The following CD8B2 variants were observed in gnomAD, a reference collection of about 807,000 sequenced individuals.
CD8B2 encodes T-cell surface glycoprotein CD8 beta-2 chain.
CD8B2 carries 11 observed loss-of-function variants against 23.7 expected under a neutral mutation model. That is an observed-to-expected ratio of 0.46 (90% CI 0.29 to 0.77). CD8B2 has a LOEUF of 0.77. Ranked by LOEUF, CD8B2 falls within the 30% of genes least tolerant of loss-of-function variation. The pLI is 0.09. For missense variants in CD8B2, 197 were observed against 270.5 expected (o/e 0.73, Z 1.91); for synonymous variants, 90 against 109.3 (o/e 0.82, Z 1.10).
chr2:106,488,735 G>A (rs1360336195), intron 1 of CD8B2, among the ~76,000 whole-genome samples: 1 of 152,190 alleles, frequency 6.6e-6, no homozygotes, highest in Non-Finnish European at 1.5e-5. Flanking sequence ...CTTTCCTCAT[G>A]GATAAAGTAG....
chr2:106,494,193 G>A (rs899514441), intron 2 of CD8B2, among the ~76,000 whole-genome samples: 1 of 150,360 alleles, frequency 6.7e-6, no homozygotes, highest in African/African-American at 2.4e-5. Context: ...TGTCACCCAG[G>A]CTGGAGTTTA....
downstream of CD8B2, among the ~76,000 whole-genome samples, chr2:106,511,445 T>TC (rs896738927): frequency 4.2e-5 from 5 of 120,140 alleles, no homozygotes; most frequent in East Asian, 2.9e-4. Context: ...TGTTCTCCCC[T>TC]CCCCCCGCCC....
chr2:106,538,864 G>C (rs1034910992), intron 5 of CD8B2, among the ~76,000 whole-genome samples: 1 of 151,628 alleles, frequency 6.6e-6, no homozygotes, highest in African/African-American at 2.4e-5. Flanking sequence ...TCATCAGGCC[G>C]GGCACTGCCA....
chr2:106,494,990 A>G (rs376603589), intron 2 of CD8B2, among the ~76,000 whole-genome samples: 1 of 152,138 alleles, frequency 6.6e-6, no homozygotes, highest in African/African-American at 2.4e-5. Context: ...AGCTTCCTCC[A>G]TGTGCTTAGG....
intron 5 of CD8B2, among the ~76,000 whole-genome samples, chr2:106,532,733 A>G (rs1020528007): frequency 6.6e-6 from 1 of 152,198 alleles, no homozygotes; most frequent in African/African-American, 2.4e-5. Flanking sequence ...CACTCGTGGT[A>G]GTGTAGCAGT....
At chr2:106,515,517 C>G (rs1285035812), downstream of CD8B2, among the ~76,000 whole-genome samples, 1 of 152,150 alleles carries the variant, frequency 6.6e-6, no homozygotes, top group Non-Finnish European at 1.5e-5. Context: ...TCTTTCTGCT[C>G]TAAGCCATGT....
intron 5 of CD8B2, among the ~76,000 whole-genome samples, chr2:106,538,383 C>T (rs931874819): frequency 6.6e-6 from 1 of 152,130 alleles, no homozygotes; most frequent in African/African-American, 2.4e-5. Context: ...CACAAATGGC[C>T]TGCTTTTCTC....
At position 106,490,992 on chromosome 2, in the gene CD8B2, G is replaced by A. The variant is rs905183948; in HGVS notation, c.162G>A (p.Trp54Ter). ...CCCTCAGTAACATGTGCATCTACTG[G>A]CTGAGACAGCGCCAGGCCCCGAGCA... is the stretch of plus-strand genomic sequence containing the variant. ...KISLSNMCIY[W>*]LRQRQAPSSD... Residue 54 changes from tryptophan (W) to a stop codon, truncating the protein, a stop_gained, in exon 2 of 6, where the codon TGG (tryptophan) becomes TGA (stop). Coordinates refer to ENST00000643224, the MANE Select transcript of CD8B2 (RefSeq NM_001349727.2). LOFTEE classifies it high-confidence loss of function. 6.2e-7 allele frequency: 1 copy of A among 1,613,982 alleles called. No homozygotes were observed. Among genetic ancestry groups the A allele is most frequent in the African/African-American group, 1.3e-5 (1 of 75,050 alleles).
At chr2:106,534,179 T>C (rs1161342484) in intron 5 of CD8B2, among the ~76,000 whole-genome samples, 1 of 152,138 alleles carries the variant, frequency 6.6e-6, no homozygotes, top group African/African-American at 2.4e-5. Context: ...ATGACCAGAC[T>C]CATGCTCCCC....
intron 5 of CD8B2, among the ~76,000 whole-genome samples, chr2:106,524,199 G>T (rs1323554868): frequency 2.0e-5 from 3 of 152,148 alleles, no homozygotes; most frequent in Non-Finnish European, 1.5e-5. Flanking sequence ...TCCTGGGCTG[G>T]TTATTGTAGA....
At chr2:106,526,101 G>A (rs925700273) in intron 5 of CD8B2, among the ~76,000 whole-genome samples, 3 of 152,120 alleles carry the variant, frequency 2.0e-5, no homozygotes, top group Non-Finnish European at 4.4e-5. Context: ...AATTAGCCAC[G>A]TGTGGCGGCA....
intron 2 of CD8B2, among the ~76,000 whole-genome samples, chr2:106,495,428 AC>A (rs1461497486): frequency 6.6e-6 from 1 of 151,980 alleles, no homozygotes; most frequent in Non-Finnish European, 1.5e-5. Context: ...AATCCCAGCT[AC>A]TCTGGAGGCT....
chr2:106,518,298 G>A (rs1373937611), intron 5 of CD8B2, among the ~76,000 whole-genome samples: 2 of 152,180 alleles, frequency 1.3e-5, no homozygotes, highest in Non-Finnish European at 2.9e-5. Flanking sequence ...CATTATTTAG[G>A]AGTTACAAAG....
At chr2:106,534,415 CACAACA>C (rs915915660) in intron 5 of CD8B2, among the ~76,000 whole-genome samples, 2 of 151,608 alleles carry the variant, frequency 1.3e-5, no homozygotes, top group Non-Finnish European at 2.9e-5. Flanking sequence ...ACAACAACAA[CACAACA>C]ACAACAATAA....
intron 3 of CD8B2, among the ~76,000 whole-genome samples, chr2:106,498,772 C>G (rs1017424822): frequency 6.6e-6 from 1 of 152,158 alleles, no homozygotes; most frequent in Non-Finnish European, 1.5e-5. Flanking sequence ...AAATGAGATG[C>G]TATTATACAC....
At chr2:106,511,847 T>G (rs1045372966), downstream of CD8B2, among the ~76,000 whole-genome samples, 1 of 152,074 alleles carries the variant, frequency 6.6e-6, no homozygotes, top group Admixed American at 6.6e-5. Context: ...GAAACCATAT[T>G]CCTCAGCCCT....
Position 106,507,830 on chromosome 2 carries a change from G to GCCCAGGGCA in CD8B2, c.*896_*904dup, listed in dbSNP as rs1467042824. 2 of 171,512 alleles carry GCCCAGGGCA rather than the reference G, an allele frequency of 1.2e-5. No homozygotes were observed. The highest frequency in any genetic ancestry group is 2.3e-5 in the Non-Finnish European group (2 of 86,392). The allele number at this position is 171,512 out of a possible 1,614,324, so 10.6% of individuals were successfully genotyped here. A position where few individuals can be genotyped will look rare whatever the true frequency, so the allele number is the denominator to read the frequency against. Reference sequence around the variant, plus strand: ...GAGAGTCCTAGAGAGGCTAGGAAGCGCCCAGGGCACCCAGAGCCAGGCTGC... The same window carrying GCCCAGGGCA: ...GAGAGTCCTAGAGAGGCTAGGAAGCGCCCAGGGCACCCAGGGCACCCAGAGCCAGGCTGC... On this transcript the variant is annotated 3_prime_UTR_variant, in exon 6 of 6. Coordinates refer to ENST00000643224, the MANE Select transcript of CD8B2 (RefSeq NM_001349727.2).
intron 5 of CD8B2, among the ~76,000 whole-genome samples, chr2:106,516,551 T>C (rs554767291): frequency 6.6e-6 from 1 of 152,312 alleles, no homozygotes; most frequent in East Asian, 1.9e-4. Context: ...TGCTGTCAAA[T>C]AAATAGAAAG....
downstream of CD8B2, among the ~76,000 whole-genome samples, chr2:106,514,346 G>T (rs1679692179): frequency 6.7e-6 from 1 of 149,780 alleles, no homozygotes; most frequent in South Asian, 2.1e-4. Flanking sequence ...GGAGTGCAGT[G>T]GCACGATCTC....
Sources: allele counts gnomAD v4.1 joint callset (sites outside exome capture counted in the v4.1 genomes callset), GRCh38; gene constraint gnomAD v4.1.1; transcripts MANE v1.5; gene names NCBI Gene and HGNC (gene_info 2026-07-23, HGNC 2026-07-21).